Variants in NAALADL2 observed in about 807,000 individuals in gnomAD.
The protein encoded by NAALADL2 is inactive N-acetylated-alpha-linked acidic dipeptidase-like protein 2.
NAALADL2 carries 76 observed loss-of-function variants against 87.2 expected under a neutral mutation model. The ratio of observed to expected loss-of-function variants is 0.87; its 90% CI spans 0.72 to 1.05. NAALADL2 has a LOEUF of 1.05. NAALADL2 is among the 50% of genes least tolerant of loss of function. The pLI is 0.00. For missense variants in NAALADL2, 1,089 were observed against 945.8 expected (o/e 1.15, Z -1.99); for synonymous variants, 354 against 331.0 (o/e 1.07, Z -0.75).
intron 1 of NAALADL2, among the ~76,000 whole-genome samples, chr3:174,447,500 T>G (rs550892138): frequency 6.6e-6 from 1 of 152,266 alleles, no homozygotes; most frequent in East Asian, 1.9e-4. Context: ...GAATATGACA[T>G]CCAGTGCAAA....
At chr3:174,454,201 A>G (rs1316069866) in intron 1 of NAALADL2, among the ~76,000 whole-genome samples, 1 of 152,172 alleles carries the variant, frequency 6.6e-6, no homozygotes, top group African/African-American at 2.4e-5. Context: ...TAACTTTCCT[A>G]AATATATATG....
chr3:174,564,242 C>A (rs1268986299), intron 2 of NAALADL2, among the ~76,000 whole-genome samples: 3 of 152,076 alleles, frequency 2.0e-5, no homozygotes, highest in Non-Finnish European at 4.4e-5. Context: ...ACCTGAATAG[C>A]TTTATCAGTG....
intron 5 of NAALADL2, among the ~76,000 whole-genome samples, chr3:175,415,911 T>G (rs538462914): frequency 1.3e-5 from 2 of 150,336 alleles, no homozygotes; most frequent in East Asian, 3.9e-4. Flanking sequence ...CCCAGGAATT[T>G]GAGAACAACC....
At chr3:174,942,410 C>T (rs1487196802) in intron 1 of NAALADL2, among the ~76,000 whole-genome samples, 1 of 152,130 alleles carries the variant, frequency 6.6e-6, no homozygotes, top group Non-Finnish European at 1.5e-5. Context: ...CACTATTAGC[C>T]TTATAGGCTT....
intron 11 of NAALADL2, among the ~76,000 whole-genome samples, chr3:175,673,586 T>A (rs999072553): frequency 2.6e-5 from 4 of 152,096 alleles, no homozygotes; most frequent in Non-Finnish European, 5.9e-5. Flanking sequence ...GATTTTAACT[T>A]AATGTGCTTT....
chr3:175,690,693 C>A (rs1053694319), intron 11 of NAALADL2, among the ~76,000 whole-genome samples: 6 of 151,768 alleles, frequency 4.0e-5, no homozygotes, highest in Non-Finnish European at 8.8e-5. Context: ...TGTTTAGGAA[C>A]CTTTAGAATT....
In NAALADL2 at chr3:174,623,566, A is replaced by T. The variant is rs1234649508; in HGVS notation, c.-115+72929A>T. Reference sequence around the variant, plus strand: ...AGAAATATTTTTAAAATATTTAAATATTTATAAATATTTAAATAAATGGTG... The same window carrying T: ...AGAAATATTTTTAAAATATTTAAATTTTTATAAATATTTAAATAAATGGTG... On this transcript the variant is annotated intron_variant, in intron 2 of 3. Coordinates refer to the NAALADL2 transcript ENST00000434257. Among the ~76,000 whole-genome samples, 6 of 151,522 alleles carry T rather than the reference A, an allele frequency of 4.0e-5. No homozygotes were observed. The East Asian group carries it at 1.2e-3, about 29-fold the overall frequency.
At chr3:175,040,685 A>G (rs939743122) in intron 1 of NAALADL2, among the ~76,000 whole-genome samples, 26 of 152,214 alleles carry the variant, frequency 1.7e-4, no homozygotes, top group African/African-American at 6.3e-4. Flanking sequence ...AATAAATATG[A>G]AAGTGTTTTG....
intron 9 of NAALADL2, among the ~76,000 whole-genome samples, chr3:175,489,776 G>A (rs1727789686): frequency 6.6e-6 from 1 of 152,124 alleles, no homozygotes; most frequent in Non-Finnish European, 1.5e-5. Context: ...TTGTAGAAGA[G>A]ACTTCTTTTG....
At chr3:174,930,224 G>GT (rs1284818230) in intron 1 of NAALADL2, among the ~76,000 whole-genome samples, 5 of 152,040 alleles carry the variant, frequency 3.3e-5, no homozygotes, top group African/African-American at 1.2e-4. Flanking sequence ...AGTTTGGGCA[G>GT]TTTTTAAAAC....
intron 1 of NAALADL2, among the ~76,000 whole-genome samples, chr3:175,068,094 G>C (rs1309676386): frequency 3.3e-5 from 5 of 151,996 alleles, no homozygotes; most frequent in Non-Finnish European, 2.9e-5. Context: ...TTACAGTCGG[G>C]GGAAAGGAAG....
At chr3:174,810,613 T>C (rs573273158) in intron 3 of NAALADL2, among the ~76,000 whole-genome samples, 1 of 136,628 alleles carries the variant, frequency 7.3e-6, no homozygotes. Flanking sequence ...AAAAAAAAAA[T>C]GATCCAAAAC....
rs78603555 is a variant in NAALADL2 at position 174,627,469 on chromosome 3, G to A, written c.-115+76832G>A. 1.0e-2 allele frequency among the ~76,000 whole-genome samples: 1,522 copies of A among 152,288 alleles called. 25 individuals are homozygous for A. The highest frequency in any genetic ancestry group is 0.035 in the African/African-American group (1,451 of 41,550). On this transcript the variant is annotated intron_variant, in intron 2 of 3. Transcript: ENST00000434257. The stretch of plus-strand genomic sequence containing the variant: ...CAAGGATGCAGAGACAAAGGAACAC[G>A]TATATACTGTTTTGGGGAATGTAAA...
chr3:174,522,506 A>T (rs529622916), intron 1 of NAALADL2, among the ~76,000 whole-genome samples: 1 of 152,216 alleles, frequency 6.6e-6, no homozygotes, highest in Non-Finnish European at 1.5e-5. Flanking sequence ...AAAAAAGAAA[A>T]AAAATTACAT....
chr3:175,277,172 A>G (rs1753719249), intron 4 of NAALADL2, among the ~76,000 whole-genome samples: 1 of 152,122 alleles, frequency 6.6e-6, no homozygotes, highest in African/African-American at 2.4e-5. Flanking sequence ...TTTGATTTTC[A>G]CATTTTATTT....
intron 1 of NAALADL2, among the ~76,000 whole-genome samples, chr3:174,910,131 C>T (rs940059): frequency 0.73 from 110,218 of 151,686 alleles, 41,536 homozygotes; most frequent in East Asian, 0.93. Context: ...TAGAGATTGG[C>T]TTTAAGAATA....
intron 3 of NAALADL2, among the ~76,000 whole-genome samples, chr3:174,789,606 C>A (rs190221375): frequency 0.014 from 2,070 of 152,096 alleles, 23 homozygotes; most frequent in Non-Finnish European, 0.021. Flanking sequence ...CACAAGAAAA[C>A]AAAACTAGAA....
chr3:175,151,105 C>CT (rs1323970034), intron 2 of NAALADL2, among the ~76,000 whole-genome samples: 2 of 152,180 alleles, frequency 1.3e-5, no homozygotes, highest in Non-Finnish European at 2.9e-5. Context: ...CTTTATTTGG[C>CT]TGGCACTCCA....
At chr3:174,742,013 G>A (rs964923223) in intron 3 of NAALADL2, among the ~76,000 whole-genome samples, 6 of 151,456 alleles carry the variant, frequency 4.0e-5, no homozygotes, top group African/African-American at 1.2e-4. Context: ...CAAATGAACT[G>A]TTTCTAAAAT....
Sources: gnomAD v4.1 joint callset for allele counts (sites outside exome capture counted in the v4.1 genomes callset) on GRCh38, gnomAD v4.1.1 for gene constraint, MANE v1.5 for transcripts, NCBI Gene and HGNC (gene_info 2026-07-23, HGNC 2026-07-21) for gene names.